Variants in PCDHA2 observed in about 807,000 individuals in gnomAD.
The protein encoded by PCDHA2 is protocadherin alpha-2.
A neutral mutation model predicts 66.0 loss-of-function variants in PCDHA2; 58 were observed. The ratio of observed to expected loss-of-function variants is 0.88; its 90% CI spans 0.71 to 1.09. The LOEUF (loss-of-function observed/expected upper bound fraction) is 1.09. Ranked by LOEUF, PCDHA2 falls within the 50% of genes least tolerant of loss-of-function variation. The pLI, the probability that PCDHA2 is intolerant of heterozygous loss-of-function variation, is 0.00. For missense variants in PCDHA2, 1,267 were observed against 1,242.3 expected, an observed-to-expected ratio of 1.02 and a Z score of -0.30; for synonymous variants, 634 against 554.0, an observed-to-expected ratio of 1.14 and a Z score of -2.03.
chr5:140,959,780 A>G (rs2095510657), intron 1 of PCDHA2, among the ~76,000 whole-genome samples: 1 of 152,262 alleles, frequency 6.6e-6, no homozygotes. Flanking sequence ...AACAGTGTAT[A>G]TTAACATGGC....
rs547166699 is a variant in PCDHA2 at position 140,982,068 on chromosome 5, TTAGAG to T, written c.2448-401_2448-397del. On this transcript the variant is annotated intron_variant, in intron 2 of 3. Transcript: ENST00000526136. ...AAAATATTTTAGTGTGTTTTCTTCT[TTAGAG>T]TAGAGAACCTAGGAACAAGAGAACC... 3.5e-3 allele frequency among the ~76,000 whole-genome samples: 532 copies of T among 152,340 alleles called. 2 individuals carry two copies. Among genetic ancestry groups the T allele is most frequent in the Non-Finnish European group, 5.4e-3 (369 of 68,028 alleles).
chr5:140,870,054 T>A (rs895309313), intron 1 of PCDHA2: 2 of 1,613,676 alleles, frequency 1.2e-6, no homozygotes, highest in African/African-American at 2.7e-5. Flanking sequence ...TTTATAAAAT[T>A]GAAGTACAGG....
chr5:140,848,600 C>T lies in PCDHA2; in HGVS notation c.2388+51248C>T, dbSNP rs2150414065. On this transcript the variant is annotated intron_variant, in intron 1 of 3. Coordinates refer to ENST00000526136, the MANE Select transcript of PCDHA2 (RefSeq NM_018905.3). ...GGAGCGGCCAGCTCCACTACTCCGT[C>T]CCGGAGGAAGCCGAACACGGCACCT... 7 of 1,593,634 alleles carry T rather than the reference C, an allele frequency of 4.4e-6. No homozygotes were observed. The African/African-American group carries it at 8.1e-5, about 18-fold the overall frequency.
chr5:140,967,907 A>C (rs1311525554), intron 1 of PCDHA2: 1 of 1,614,180 alleles, frequency 6.2e-7, no homozygotes, highest in Non-Finnish European at 8.5e-7. Flanking sequence ...TGCTACACCC[A>C]ACACCATTGT....
chr5:140,876,648 T>A, intron 1 of PCDHA2: 4 of 1,614,208 alleles, frequency 2.5e-6, no homozygotes, highest in Non-Finnish European at 3.4e-6. Flanking sequence ...TGACACCTCA[T>A]GTTCCCTTCA....
chr5:140,835,722 G>T, intron 1 of PCDHA2: 1 of 1,613,846 alleles, frequency 6.2e-7, no homozygotes. Context: ...GGAGGTGGCC[G>T]ACGTGAACGA....
At chr5:140,803,702 T>C (rs782283652) in intron 1 of PCDHA2, 3 of 1,530,804 alleles carry the variant, frequency 2.0e-6, no homozygotes, top group South Asian at 1.3e-5. Context: ...TGATTCATAA[T>C]TAGACTTTTC....
chr5:140,871,760 G>C lies in PCDHA2; in HGVS notation c.2388+74408G>C, dbSNP rs191249350. Among the ~76,000 whole-genome samples the C allele has an allele frequency of 5.4e-3, 815 of 152,314 alleles. 3 individuals are homozygous for C. Among genetic ancestry groups the C allele is most frequent in the Middle Eastern group, 0.014 (4 of 294 alleles). The stretch of plus-strand genomic sequence containing the variant: ...AAATCCTAAAAGAAATGAGATGCAA[G>C]AGTGACTCTTCTGTAGTCACTTGAG... On this transcript the variant is annotated intron_variant, in intron 1 of 3. Coordinates refer to ENST00000526136, the MANE Select transcript of PCDHA2 (RefSeq NM_018905.3).
chr5:140,957,014 G>A (rs2095325954), intron 1 of PCDHA2, among the ~76,000 whole-genome samples: 1 of 152,124 alleles, frequency 6.6e-6, no homozygotes, highest in South Asian at 2.1e-4. Flanking sequence ...ATTTCTCAGT[G>A]AGCATTTAGA....
At chr5:140,809,106 C>G in intron 1 of PCDHA2, 2 of 1,613,952 alleles carry the variant, frequency 1.2e-6, no homozygotes, top group Non-Finnish European at 1.7e-6. Context: ...CTGGACGAAA[C>G]GGACGCTCCG....
chr5:140,872,448 G>A (rs1164382380), intron 1 of PCDHA2, among the ~76,000 whole-genome samples: 2 of 151,992 alleles, frequency 1.3e-5, no homozygotes, highest in South Asian at 2.1e-4. Flanking sequence ...ACAACATAGC[G>A]AGATCCTGTC....
intron 1 of PCDHA2, among the ~76,000 whole-genome samples, chr5:140,889,132 G>C (rs1338926841): frequency 6.6e-6 from 1 of 151,438 alleles, no homozygotes; most frequent in Non-Finnish European, 1.5e-5. Context: ...ATATGTCCTA[G>C]TTTTTCTTCC....
chr5:140,824,215 A>C, intron 1 of PCDHA2: 2 of 1,576,994 alleles, frequency 1.3e-6, no homozygotes, highest in Non-Finnish European at 1.7e-6. Context: ...GTATTTAAAA[A>C]TTATGTCTTA....
chr5:140,831,497 A>G (rs1771562992), intron 1 of PCDHA2, among the ~76,000 whole-genome samples: 2 of 106,812 alleles, frequency 1.9e-5, no homozygotes, highest in Non-Finnish European at 3.8e-5. Context: ...GTTACTACAC[A>G]CGAGCACCAC....
chr5:140,857,611 G>T, intron 1 of PCDHA2: 1 of 1,596,436 alleles, frequency 6.3e-7, no homozygotes, highest in Admixed American at 1.7e-5. Context: ...CGCTGCAGCC[G>T]CTGGACCACG....
rs187844001 is a variant in PCDHA2 at position 140,981,487 on chromosome 5, T to C, written c.2448-988T>C. On this transcript the variant is annotated intron_variant, in intron 2 of 3. Coordinates refer to ENST00000526136, the MANE Select transcript of PCDHA2 (RefSeq NM_018905.3). ...TACTTGGGAGGCTGAGGCAGGAGAA[T>C]TGCTTGAACCTGGGAGGCAGAGGTT... Among the ~76,000 whole-genome samples the C allele has an allele frequency of 5.5e-3, 843 of 152,250 alleles. 8 individuals carry two copies. Among genetic ancestry groups the C allele is most frequent in the African/African-American group, 0.019 (806 of 41,542 alleles).
chr5:140,840,057 T>C (rs1217899995), intron 1 of PCDHA2, among the ~76,000 whole-genome samples: 1 of 152,054 alleles, frequency 6.6e-6, no homozygotes, highest in Non-Finnish European at 1.5e-5. Flanking sequence ...TCTAATGTCT[T>C]GACAATTAGT....
intron 3 of PCDHA2, among the ~76,000 whole-genome samples, chr5:140,985,803 G>T (rs536777034): frequency 2.9e-5 from 4 of 139,766 alleles, no homozygotes; most frequent in Non-Finnish European, 6.0e-5. Context: ...GCAGTGGCAC[G>T]ATCTCAGCTC....
At chr5:140,955,043 T>C (rs1285355120) in intron 1 of PCDHA2, among the ~76,000 whole-genome samples, 1 of 152,176 alleles carries the variant, frequency 6.6e-6, no homozygotes, top group Non-Finnish European at 1.5e-5. Context: ...CTTTTCCTCA[T>C]TGCTTGTTTT....
Sources: allele counts gnomAD v4.1 joint callset (sites outside exome capture counted in the v4.1 genomes callset), GRCh38; gene constraint gnomAD v4.1.1; transcripts MANE v1.5; gene names NCBI Gene and HGNC (gene_info 2026-07-23, HGNC 2026-07-21).